BMPR1B: variants seen among roughly 807,000 people sequenced by gnomAD.
The protein encoded by BMPR1B is bone morphogenetic protein receptor type 1B.
Under a neutral mutation model 59.1 loss-of-function variants are expected in BMPR1B, and 12 were observed. That is an observed-to-expected ratio of 0.20 (90% CI 0.13 to 0.33). The LOEUF is 0.33. Among genes scored for constraint, BMPR1B ranks in the 10% least tolerant of loss-of-function variants. BMPR1B has a pLI of 1.00. For missense variants in BMPR1B, 550 were observed against 610.9 expected, an observed-to-expected ratio of 0.90 and a Z score of 1.05; for synonymous variants, 237 against 207.3, an observed-to-expected ratio of 1.14 and a Z score of -1.23.
intron 1 of BMPR1B, among the ~76,000 whole-genome samples, chr4:94,773,168 T>C (rs187205782): frequency 1.6e-4 from 25 of 152,218 alleles, no homozygotes; most frequent in Non-Finnish European, 2.8e-4. Flanking sequence ...GAGCATACGA[T>C]TGAGAGACAG....
intron 3 of BMPR1B, among the ~76,000 whole-genome samples, chr4:95,083,037 CA>C (rs1171888403): frequency 0.012 from 711 of 60,576 alleles, no homozygotes; most frequent in East Asian, 0.071. Flanking sequence ...TACTCTGTCT[CA>C]AAAAAAAAAA....
chr4:94,795,819 A>G (rs556251552), intron 1 of BMPR1B, among the ~76,000 whole-genome samples: 1 of 152,226 alleles, frequency 6.6e-6, no homozygotes, highest in South Asian at 2.1e-4. Flanking sequence ...ACTAAAATGG[A>G]GATTTAGATG....
At chr4:94,918,127 C>A (rs2149020535) in intron 2 of BMPR1B, among the ~76,000 whole-genome samples, 2 of 152,208 alleles carry the variant, frequency 1.3e-5, no homozygotes. Context: ...CCAGTTAAAT[C>A]TCTTTTTTTA....
chr4:94,841,108 C>T (rs1212264811), intron 1 of BMPR1B, among the ~76,000 whole-genome samples: 1 of 148,950 alleles, frequency 6.7e-6, no homozygotes, highest in Admixed American at 6.7e-5. Context: ...CTTGAGGAGG[C>T]AGTCTGCCCG....
chr4:95,154,648 C>A lies in BMPR1B; in HGVS notation c.1484C>A (p.Ser495Ter). The change falls in exon 13 of 13, where the codon TCA becomes TAA. Residue 495 changes from serine (S) to a stop codon, truncating the protein, a stop_gained. Coordinates refer to ENST00000515059, the MANE Select transcript of BMPR1B (RefSeq NM_001203.3). LOFTEE classifies it high-confidence loss of function. ...GTTAAGAAAACACTTGCCAAAATGT[C>A]AGAGTCCCAGGACATTAAACTCTGA... ...LRVKKTLAKM[S>*]ESQDIKL 1 of 1,614,082 alleles carries A rather than the reference C, an allele frequency of 6.2e-7. No homozygotes were observed. Among genetic ancestry groups the A allele is most frequent in the South Asian group, 1.1e-5 (1 of 91,072 alleles).
At chr4:95,149,670 G>T (rs1294551897) in intron 11 of BMPR1B, among the ~76,000 whole-genome samples, 1 of 152,114 alleles carries the variant, frequency 6.6e-6, no homozygotes, top group Non-Finnish European at 1.5e-5. Context: ...TTATTCCATG[G>T]TTGTGCTCAT....
At chr4:94,850,839 C>T (rs1045481909) in intron 1 of BMPR1B, among the ~76,000 whole-genome samples, 4 of 152,124 alleles carry the variant, frequency 2.6e-5, no homozygotes, top group Non-Finnish European at 5.9e-5. Flanking sequence ...TCTCTCTCTC[C>T]ATGGGTTCTT....
intron 8 of BMPR1B, among the ~76,000 whole-genome samples, chr4:95,126,726 T>C (rs1361071701): frequency 6.6e-6 from 1 of 152,092 alleles, no homozygotes; most frequent in Non-Finnish European, 1.5e-5. Context: ...CTCAGTTCAA[T>C]AAAGAAAAAG....
At chr4:94,867,121 G>A (rs116274047) in intron 1 of BMPR1B, among the ~76,000 whole-genome samples, 173 of 151,956 alleles carry the variant, frequency 1.1e-3, no homozygotes, top group African/African-American at 3.7e-3. Context: ...TCTTACCTGC[G>A]TCTTAAACTT....
At chr4:94,819,057 G>A (rs969305238) in intron 1 of BMPR1B, among the ~76,000 whole-genome samples, 10 of 152,110 alleles carry the variant, frequency 6.6e-5, no homozygotes, top group Non-Finnish European at 1.3e-4. Flanking sequence ...GATCACTTAA[G>A]TCCAGGAAAT....
At chr4:94,766,869 A>G (rs1409408360) in intron 1 of BMPR1B, among the ~76,000 whole-genome samples, 1 of 152,098 alleles carries the variant, frequency 6.6e-6, no homozygotes, top group Non-Finnish European at 1.5e-5. Flanking sequence ...GGTAATCTAC[A>G]TTTCAAAAGA....
At chr4:95,153,327 A>G (rs915581073) in intron 12 of BMPR1B, among the ~76,000 whole-genome samples, 9 of 152,128 alleles carry the variant, frequency 5.9e-5, no homozygotes, top group African/African-American at 2.2e-4. Flanking sequence ...AGCGGCTAGT[A>G]AGGAAGAAAT....
At chr4:95,122,995 A>G (rs1732637243) in intron 6 of BMPR1B, among the ~76,000 whole-genome samples, 1 of 152,154 alleles carries the variant, frequency 6.6e-6, no homozygotes. Flanking sequence ...TGTCCCAGAA[A>G]TCACCCGTGT....
At chr4:95,018,240 T>G (rs1723723901) in intron 3 of BMPR1B, among the ~76,000 whole-genome samples, 1 of 152,226 alleles carries the variant, frequency 6.6e-6, no homozygotes, top group Non-Finnish European at 1.5e-5. Flanking sequence ...TTAAAGGAAG[T>G]AATTTTAGGT....
chr4:94,818,099 T>C (rs996415584), intron 1 of BMPR1B, among the ~76,000 whole-genome samples: 2 of 152,228 alleles, frequency 1.3e-5, no homozygotes, highest in Non-Finnish European at 2.9e-5. Context: ...GGATTATTTT[T>C]TCAGTAATAA....
At chr4:94,808,061 G>C (rs542573245) in intron 1 of BMPR1B, among the ~76,000 whole-genome samples, 2 of 152,108 alleles carry the variant, frequency 1.3e-5, no homozygotes, top group Non-Finnish European at 2.9e-5. Flanking sequence ...TTTATAAATT[G>C]TAAATCTCTA....
chr4:95,079,228 T>G (rs566329633), intron 3 of BMPR1B, among the ~76,000 whole-genome samples: 1 of 152,310 alleles, frequency 6.6e-6, no homozygotes, highest in East Asian at 1.9e-4. Flanking sequence ...GAATCATAAA[T>G]GTATGTGAGG....
intron 1 of BMPR1B, among the ~76,000 whole-genome samples, chr4:94,758,463 G>T (rs1721617831): frequency 2.0e-5 from 3 of 152,022 alleles, no homozygotes; most frequent in Admixed American, 2.0e-4. Context: ...TGCGAGCGGA[G>T]GGATGGGGCG....
chr4:95,152,477 T>G (rs1312672205), intron 11 of BMPR1B, among the ~76,000 whole-genome samples, 166 bp from the exon 12 acceptor site: 1 of 152,176 alleles, frequency 6.6e-6, no homozygotes, highest in East Asian at 1.9e-4. Context: ...TAAATTAGAT[T>G]AAGTACCATT....
Sources: gnomAD v4.1 joint callset for allele counts (sites outside exome capture counted in the v4.1 genomes callset) on GRCh38, gnomAD v4.1.1 for gene constraint, MANE v1.5 for transcripts, NCBI Gene and HGNC (gene_info 2026-07-23, HGNC 2026-07-21) for gene names.